Variants in ENTPD1 observed in about 807,000 individuals in gnomAD.
ENTPD1 encodes the protein ATP diphosphohydrolase.
ENTPD1 carries 33 observed loss-of-function variants against 57.0 expected under a neutral mutation model. That is an observed-to-expected ratio of 0.58 (90% CI 0.44 to 0.77). The LOEUF (loss-of-function observed/expected upper bound fraction) is 0.77, where lower values mean the gene tolerates loss of function less well. Ranked by LOEUF, ENTPD1 falls within the 30% of genes least tolerant of loss-of-function variation. The pLI is 0.00. For missense variants in ENTPD1, 501 were observed against 603.4 expected, an observed-to-expected ratio of 0.83 and a Z score of 1.78; for synonymous variants, 202 against 218.8, an observed-to-expected ratio of 0.92 and a Z score of 0.68.
chr10:95,863,263 G>A (rs1223197790), intron 8 of ENTPD1, among the ~76,000 whole-genome samples: 3 of 152,174 alleles, frequency 2.0e-5, no homozygotes, highest in South Asian at 2.1e-4. Context: ...CCCCCACAAG[G>A]GATAGGCCAG....
intron 1 of ENTPD1, among the ~76,000 whole-genome samples, chr10:95,818,355 G>A (rs1423698491): frequency 6.6e-6 from 1 of 152,194 alleles, no homozygotes; most frequent in African/African-American, 2.4e-5. Context: ...ATGGTAAAAT[G>A]GGAAGGGCTG....
chr10:95,702,732 T>A, the ENTPD1 span, among the ~76,000 whole-genome samples: 1 of 151,930 alleles, frequency 6.6e-6, no homozygotes, highest in Non-Finnish European at 1.5e-5. Flanking sequence ...AAAGAGAAAA[T>A]CTTTAAAATG....
At chr10:95,712,883 A>C (rs1050865631) in intron 1 of ENTPD1, among the ~76,000 whole-genome samples, 5 of 152,020 alleles carry the variant, frequency 3.3e-5, no homozygotes, top group African/African-American at 9.7e-5. Flanking sequence ...AAATACAAAA[A>C]ATTAGCCGGG....
At chr10:95,792,785 A>G (rs1158909472) in intron 1 of ENTPD1, among the ~76,000 whole-genome samples, 1 of 152,134 alleles carries the variant, frequency 6.6e-6, no homozygotes, top group Non-Finnish European at 1.5e-5. Flanking sequence ...ATTTTTGTTG[A>G]ACACCCATAA....
rs879183605 is a variant in ENTPD1, at chr10:95,868,032, G to A, written c.*1649G>A. 5 of 985,480 alleles carry A rather than the reference G, an allele frequency of 5.1e-6. No individual in the cohort carries two copies. The highest frequency in any genetic ancestry group is 5.2e-4 in the Middle Eastern group (1 of 1,914). The allele number at this position is 985,480 out of a possible 1,614,324, so 61.0% of individuals were successfully genotyped here. On this transcript the variant is annotated 3_prime_UTR_variant, in exon 10 of 10. Coordinates refer to ENST00000371205, the MANE Select transcript of ENTPD1 (RefSeq NM_001776.6). ...GGTAGTTGCCTATACTGTCATCGCTGCTGTTGGTTGAGCATTTGTGGTGTA... is the reference window on the plus strand; with the variant it reads ...GGTAGTTGCCTATACTGTCATCGCTACTGTTGGTTGAGCATTTGTGGTGTA...
chr10:95,711,663 AC>A, upstream of ENTPD1: 1 of 399,622 alleles, frequency 2.5e-6, no homozygotes, highest in Non-Finnish European at 4.7e-6. Flanking sequence ...CCTAAGGCTG[AC>A]CTTAAACTCT....
chr10:95,750,386 G>A (rs1265930246), intron 1 of ENTPD1, among the ~76,000 whole-genome samples: 1 of 152,100 alleles, frequency 6.6e-6, no homozygotes, highest in African/African-American at 2.4e-5. Flanking sequence ...GTGAAAATGA[G>A]TTCATTTGAA....
intron 1 of ENTPD1, among the ~76,000 whole-genome samples, chr10:95,801,156 G>A (rs1262103054): frequency 6.6e-6 from 1 of 152,080 alleles, no homozygotes; most frequent in Non-Finnish European, 1.5e-5. Context: ...CCTCTGTTTG[G>A]GGTCCCTGAC....
At chr10:95,741,298 G>A (rs2139875933) in intron 1 of ENTPD1, among the ~76,000 whole-genome samples, 2 of 152,140 alleles carry the variant, frequency 1.3e-5, no homozygotes, top group East Asian at 3.8e-4. Context: ...GAGATAGTGG[G>A]ACAGACAGTG....
In ENTPD1 at chr10:95,874,205, C is replaced by T. The variant is rs1590239964; in HGVS notation, c.*7822C>T. On this transcript the variant is annotated 3_prime_UTR_variant, in exon 10 of 10. Transcript: ENST00000371205. ...AGACAAGGCAAGTCCCTTCCACTTA[C>T]AAGCCTGTAAAAGCAAGCTAGTTAC... Among the ~76,000 whole-genome samples, 1 of 152,170 alleles carries T rather than the reference C, an allele frequency of 6.6e-6. No homozygotes were observed. Among genetic ancestry groups the T allele is most frequent in the East Asian group, 1.9e-4 (1 of 5,204 alleles).
At chr10:95,733,609 C>T (rs1379895317) in intron 1 of ENTPD1, among the ~76,000 whole-genome samples, 1 of 152,204 alleles carries the variant, frequency 6.6e-6, no homozygotes, top group African/African-American at 2.4e-5. Flanking sequence ...TAATAAATGT[C>T]CATGAAATCT....
the ENTPD1 span, among the ~76,000 whole-genome samples, chr10:95,703,601 G>A: frequency 6.6e-6 from 1 of 151,978 alleles, no homozygotes; most frequent in African/African-American, 2.4e-5. Flanking sequence ...GGCTAACATG[G>A]TGAAACGCTG....
intron 2 of ENTPD1, among the ~76,000 whole-genome samples, chr10:95,836,553 C>T (rs960286305): frequency 1.3e-5 from 2 of 152,090 alleles, no homozygotes; most frequent in Admixed American, 6.6e-5. Context: ...TTCCTTACCA[C>T]CTAAATCTTA....
chr10:95,763,852 C>G (rs1384102832), intron 1 of ENTPD1, among the ~76,000 whole-genome samples: 1 of 152,210 alleles, frequency 6.6e-6, no homozygotes, highest in Non-Finnish European at 1.5e-5. Context: ...CTATTCTAAT[C>G]ACCTTACAGA....
intron 2 of ENTPD1, among the ~76,000 whole-genome samples, chr10:95,823,599 T>C (rs549466877): frequency 3.7e-4 from 56 of 152,324 alleles, no homozygotes; most frequent in African/African-American, 1.3e-3. Context: ...GATTGTTTAG[T>C]AAACTCATTA....
intron 8 of ENTPD1, among the ~76,000 whole-genome samples, chr10:95,862,406 G>A (rs981139467): frequency 2.0e-5 from 3 of 152,172 alleles, no homozygotes; most frequent in Non-Finnish European, 4.4e-5. Context: ...GCTTGTGTTT[G>A]GGAATGTTCC....
chr10:95,867,918 A>T lies in ENTPD1; in HGVS notation c.*1535A>T. The T allele has an allele frequency of 1.0e-6, 1 of 985,458 alleles. No homozygotes were observed. Among genetic ancestry groups the T allele is most frequent in the Non-Finnish European group, 1.2e-6 (1 of 829,932 alleles). The allele number at this position is 985,458 out of a possible 1,614,324, so 61.0% of individuals were successfully genotyped here. A position where few individuals can be genotyped will look rare whatever the true frequency, so the allele number is the denominator to read the frequency against. On this transcript the variant is annotated 3_prime_UTR_variant, in exon 10 of 10. Coordinates refer to ENST00000371205, the MANE Select transcript of ENTPD1 (RefSeq NM_001776.6). ...AATAAAGCTGTGGAAAGGAACTCTTAATCTTCTTTTCTGCTACTTAGGTTA... is the reference window on the plus strand; with the variant it reads ...AATAAAGCTGTGGAAAGGAACTCTTTATCTTCTTTTCTGCTACTTAGGTTA...
At chr10:95,774,016 G>T (rs548129581) in intron 1 of ENTPD1, among the ~76,000 whole-genome samples, 1 of 152,122 alleles carries the variant, frequency 6.6e-6, no homozygotes, top group African/African-American at 2.4e-5. Context: ...ACTTTTTAAT[G>T]ATTGCCATTC....
chr10:95,764,682 C>A (rs1208086703), intron 1 of ENTPD1, among the ~76,000 whole-genome samples: 2 of 139,470 alleles, frequency 1.4e-5, no homozygotes, highest in Non-Finnish European at 3.1e-5. Context: ...ATTTGTGGAT[C>A]TTTTTTGGAA....
Sources: gnomAD v4.1 joint callset for allele counts (sites outside exome capture counted in the v4.1 genomes callset) on GRCh38, gnomAD v4.1.1 for gene constraint, MANE v1.5 for transcripts, NCBI Gene and HGNC (gene_info 2026-07-23, HGNC 2026-07-21) for gene names.